The following TLE4 variants were observed in gnomAD, a reference collection of about 807,000 sequenced individuals.
TLE4 encodes the protein TLE family member 4, transcriptional corepressor, also known as transducin-like enhancer protein 4.
TLE4 carries 8 observed loss-of-function variants against 92.8 expected under a neutral mutation model. The ratio of observed to expected loss-of-function variants is 0.09; its 90% CI spans 0.05 to 0.16. The LOEUF (loss-of-function observed/expected upper bound fraction) is 0.16, where lower values mean the gene tolerates loss of function less well. Among genes scored for constraint, TLE4 ranks in the 10% least tolerant of loss-of-function variants. The probability of loss-of-function intolerance (pLI) is 1.00; values close to 1 mark genes in which losing one functional copy is unlikely to be tolerated. For missense variants in TLE4, 675 were observed against 997.6 expected (o/e 0.68, Z 4.36); for synonymous variants, 371 against 374.1 (o/e 0.99, Z 0.10).
Position 79,573,572 on chromosome 9 carries a change from C to G in TLE4, c.46-117C>G, listed in dbSNP as rs1038447102. 29 of 919,102 alleles carry G rather than the reference C, an allele frequency of 3.2e-5. No homozygotes were observed. The African/African-American group carries it at 4.4e-4, about 14-fold the overall frequency. The allele number at this position is 919,102 out of a possible 1,614,324, so 56.9% of individuals were successfully genotyped here. On this transcript the variant is annotated intron_variant, in intron 1 of 19. Coordinates refer to ENST00000376552, the MANE Select transcript of TLE4 (RefSeq NM_007005.6). Reference sequence around the variant, plus strand: ...TTGCGGGAGGAGAGTTTTAATCTCTCTTTGCTTGCGTGCGCGATGACCCTC... The same window carrying G: ...TTGCGGGAGGAGAGTTTTAATCTCTGTTTGCTTGCGTGCGCGATGACCCTC...
chr9:79,573,911 C>A (rs2036802941), intron 2 of TLE4, 125 bp downstream of exon 2: 6 of 579,150 alleles, frequency 1.0e-5, no homozygotes, highest in Admixed American at 3.9e-5. Flanking sequence ...TTTTTTTTCT[C>A]GGTGGGCAGA....
intron 8 of TLE4, among the ~76,000 whole-genome samples, chr9:79,664,990 C>T (rs1564750446): frequency 6.6e-6 from 1 of 151,976 alleles, no homozygotes; most frequent in Non-Finnish European, 1.5e-5. Context: ...TGGATGTAGT[C>T]TATTTGGTTA....
At chr9:79,584,031 C>T (rs1019141193) in intron 4 of TLE4, among the ~76,000 whole-genome samples, 5 of 152,152 alleles carry the variant, frequency 3.3e-5, no homozygotes, top group African/African-American at 9.7e-5. Context: ...AGGATCAGCA[C>T]GGGGGTGGAG....
chr9:79,720,019 A>C (rs756161418), intron 15 of TLE4, 27 bp from the exon 16 acceptor site: 1 of 1,581,126 alleles, frequency 6.3e-7, no homozygotes, highest in Non-Finnish European at 8.6e-7. Flanking sequence ...CTCATGAGTA[A>C]TCTCTTGATG....
intron 14 of TLE4, among the ~76,000 whole-genome samples, chr9:79,713,012 A>G (rs2073707704): frequency 6.6e-6 from 1 of 152,232 alleles, no homozygotes; most frequent in Admixed American, 6.5e-5. Flanking sequence ...AAAAACCTTC[A>G]ACGAGTATTT....
chr9:79,654,139 C>G (rs2059421578), intron 8 of TLE4, 64 bp downstream of exon 8: 1 of 1,477,586 alleles, frequency 6.8e-7, no homozygotes, highest in Non-Finnish European at 9.4e-7. Flanking sequence ...TTGAATGAAT[C>G]TAGTAAAGAA....
Position 79,575,484 on chromosome 9 carries a change from T to C in TLE4, c.207+548T>C, listed in dbSNP as rs201964560. 2.6e-5 allele frequency among the ~76,000 whole-genome samples: 4 copies of C among 152,230 alleles called. No individual in the cohort carries two copies. The East Asian group carries it at 5.8e-4, about 22-fold the overall frequency. ...TATGTTTTCAATTTCTGTAGTGTTA[T>C]ATTGGTTTGAGGAATGTTGTAGTCT... On this transcript the variant is annotated intron_variant, in intron 3 of 19. Transcript: ENST00000376552.
rs2076381451 is a variant in TLE4 at position 79,726,441 on chromosome 9, A to G, written c.*1297A>G. The G allele has an allele frequency of 6.6e-6, 1 of 152,442 alleles. No homozygotes were observed. Among genetic ancestry groups the G allele is most frequent in the African/African-American group, 2.4e-5 (1 of 41,356 alleles). 9.4% of individuals were successfully genotyped at this position (152,442 alleles called of 1,614,324 possible). On this transcript the variant is annotated 3_prime_UTR_variant, in exon 20 of 20. Transcript: ENST00000376552. Reference sequence around the variant, plus strand: ...AAAATCAAAAGAACCGTGTAGATATACTTTATTGTATAAGTAGAAAATTAC... The same window carrying G: ...AAAATCAAAAGAACCGTGTAGATATGCTTTATTGTATAAGTAGAAAATTAC...
intron 19 of TLE4, among the ~76,000 whole-genome samples, 172 bp from the exon 20 acceptor site, chr9:79,724,849 TAAAAAAAAAAAAAAAA>T (rs947971071): frequency 1.2e-3 from 31 of 25,996 alleles, no homozygotes; most frequent in Admixed American, 9.0e-3. Context: ...CCTGTCTTAT[TAAAAAAAAAAAAAAAA>T]AAAAAAAAAA....
intron 4 of TLE4, among the ~76,000 whole-genome samples, chr9:79,607,067 C>CT (rs2047191540): frequency 1.3e-5 from 2 of 152,184 alleles, no homozygotes; most frequent in Non-Finnish European, 2.9e-5. Flanking sequence ...GATCCCCACT[C>CT]TAACTGGTGT....
intron 4 of TLE4, chr9:79,601,428 C>G: frequency 4.4e-6 from 2 of 456,412 alleles, no homozygotes; most frequent in Non-Finnish European, 8.8e-6. Flanking sequence ...CTGTTTTTCA[C>G]AAATTGAAGG....
chr9:79,621,793 C>A (rs576530024), intron 5 of TLE4, among the ~76,000 whole-genome samples: 3 of 152,128 alleles, frequency 2.0e-5, no homozygotes, highest in African/African-American at 7.2e-5. Context: ...GCATCTGGGT[C>A]TCATGGTCTC....
chr9:79,708,628 C>G lies in TLE4; in HGVS notation c.1105C>G (p.Pro369Ala), dbSNP rs777753084. Residue 369 changes from proline to alanine, a missense_variant, in exon 13 of 20, where the codon CCA becomes GCA. Around this residue, in one of 5 missense-constraint regions of TLE4, gnomAD observed 280 missense variants for 287.3 expected, o/e 0.97. Transcript: ENST00000376552. ...AAGGACCCCAATGGCAGTACCTTGT[C>G]CATATCCAACTCCATTTGGGATTGT... The part of the protein sequence containing the change: ...SLRTPMAVPC[P>A]YPTPFGIVPH... 3.7e-6 allele frequency: 6 copies of G among 1,613,980 alleles called. No homozygotes were observed. Among genetic ancestry groups the G allele is most frequent in the South Asian group, 1.1e-5 (1 of 91,076 alleles).
rs990771069 is a variant in TLE4 at position 79,572,606 on chromosome 9, C to A, written c.-185C>A. The A allele has an allele frequency of 2.6e-5, 7 of 271,054 alleles. No individual in the cohort carries two copies. The highest frequency in any genetic ancestry group is 4.2e-5 in the Non-Finnish European group (6 of 144,410). 16.8% of individuals were successfully genotyped at this position (271,054 alleles called of 1,614,324 possible). On this transcript the variant is annotated 5_prime_UTR_variant, in exon 1 of 20. Coordinates refer to ENST00000376552, the MANE Select transcript of TLE4 (RefSeq NM_007005.6). ...GAATGCGGAGCGGCCCGGCAGCCGG[C>A]ACCCAGCCGCCGCCGCGCGTTCCTG...
chr9:79,640,920 C>G (rs1312523292), intron 6 of TLE4, among the ~76,000 whole-genome samples: 1 of 151,844 alleles, frequency 6.6e-6, no homozygotes, highest in Admixed American at 6.6e-5. Context: ...TTATATAGGC[C>G]AGTGAAATAG....
At chr9:79,724,849 T>TGAAAAA (rs1554811338) in intron 19 of TLE4, among the ~76,000 whole-genome samples, 188 bp from the exon 20 acceptor site, 1 of 25,978 alleles carries the variant, frequency 3.8e-5, no homozygotes, top group African/African-American at 1.6e-4. Context: ...CCTGTCTTAT[T>TGAAAAA]AAAAAAAAAA....
At chr9:79,684,658 T>C (rs1016731852) in intron 8 of TLE4, among the ~76,000 whole-genome samples, 6 of 152,138 alleles carry the variant, frequency 3.9e-5, no homozygotes, top group Non-Finnish European at 8.8e-5. Context: ...GCCAAAAAGA[T>C]TGGGGACTGC....
At chr9:79,631,874 A>ATG (rs201072244) in intron 6 of TLE4, among the ~76,000 whole-genome samples, 2 of 147,558 alleles carry the variant, frequency 1.4e-5, no homozygotes, top group East Asian at 4.0e-4. Flanking sequence ...ATATATAAAA[A>ATG]TGTGTGTGTG....
chr9:79,579,463 A>G (rs1316830039), intron 4 of TLE4, among the ~76,000 whole-genome samples: 1 of 152,234 alleles, frequency 6.6e-6, no homozygotes, highest in Non-Finnish European at 1.5e-5. Context: ...CTATATGGAG[A>G]TGAACATACC....
Sources: gnomAD v4.1 joint callset for allele counts (sites outside exome capture counted in the v4.1 genomes callset) on GRCh38, gnomAD v4.1.1 for gene constraint, gnomAD v4.1.1 regional missense constraint, MANE v1.5 for transcripts, NCBI Gene and HGNC (gene_info 2026-07-23, HGNC 2026-07-21) for gene names.